Variants in RNF128 observed in about 807,000 individuals in gnomAD.
RNF128 encodes E3 ubiquitin-protein ligase RNF128.
Under a neutral mutation model 26.2 loss-of-function variants are expected in RNF128, and 13 were observed. The observed-to-expected ratio is 0.50, with a 90% confidence interval of 0.32 to 0.79. The LOEUF (loss-of-function observed/expected upper bound fraction) is 0.79, where lower values mean the gene tolerates loss of function less well. Among genes scored for constraint, RNF128 ranks in the 30% least tolerant of loss-of-function variants. RNF128 has a pLI of 0.03. For synonymous variants in RNF128, 149 were observed against 142.5 expected (o/e 1.05, Z -0.32); for missense variants, 315 against 349.7 (o/e 0.90, Z 0.79).
intron 1 of RNF128, among the ~76,000 whole-genome samples, chrX:106,702,714 G>A (rs1186771172): frequency 3.6e-5 from 4 of 112,049 alleles, no homozygotes; most frequent in Non-Finnish European, 5.6e-5. Flanking sequence ...AAAGTTGGGG[G>A]AAAGATTTAC....
At chrX:106,736,954 A>G (rs1929610335) in intron 1 of RNF128, among the ~76,000 whole-genome samples, 1 of 111,607 alleles carries the variant, frequency 9.0e-6, no homozygotes, top group Non-Finnish European at 1.9e-5. Context: ...GTGGCTGTTC[A>G]TTATGATAGC....
intron 3 of RNF128, among the ~76,000 whole-genome samples, chrX:106,787,685 G>C (rs778468912): frequency 1.8e-5 from 2 of 110,955 alleles, no homozygotes; most frequent in Non-Finnish European, 3.8e-5. Flanking sequence ...AGTGCTACAT[G>C]TTTCCCTTTG....
At chrX:106,790,352 C>T in intron 5 of RNF128, 70 bp downstream of exon 5, 1 of 753,548 alleles carries the variant, frequency 1.3e-6, no homozygotes, top group South Asian at 2.4e-5. Flanking sequence ...AAAATAACAT[C>T]CTTATTTTTT....
chrX:106,776,951 C>T (rs899369133), intron 2 of RNF128, among the ~76,000 whole-genome samples: 1 of 111,642 alleles, frequency 9.0e-6, no homozygotes, highest in African/African-American at 3.3e-5. Flanking sequence ...CTAGAAATGA[C>T]AGAATGATTG....
chrX:106,726,128 G>A (rs940217940), upstream of RNF128, among the ~76,000 whole-genome samples: 4 of 112,223 alleles, frequency 3.6e-5, no homozygotes, highest in African/African-American at 1.3e-4. Context: ...TTTAGAAGAG[G>A]CATCTGATGC....
chrX:106,764,665 CA>C (rs1286881881), intron 1 of RNF128, among the ~76,000 whole-genome samples: 1 of 109,645 alleles, frequency 9.1e-6, no homozygotes, highest in Admixed American at 9.7e-5. Flanking sequence ...AACTCCGTCT[CA>C]AAAAAAACAA....
intron 4 of RNF128, among the ~76,000 whole-genome samples, chrX:106,789,184 A>G (rs1930763307): frequency 1.1e-5 from 1 of 92,288 alleles, no homozygotes; most frequent in African/African-American, 3.8e-5. Context: ...TATATTATAC[A>G]TATATGTAAA....
chrX:106,695,206 G>A (rs1928856711), intron 1 of RNF128, among the ~76,000 whole-genome samples: 1 of 110,021 alleles, frequency 9.1e-6, no homozygotes, highest in Non-Finnish European at 1.9e-5. Context: ...GGATAGGTAT[G>A]TGTGTTTTTA....
chrX:106,737,898 A>G (rs1291769193), intron 1 of RNF128, among the ~76,000 whole-genome samples: 2 of 112,069 alleles, frequency 1.8e-5, no homozygotes, highest in Non-Finnish European at 3.8e-5. Flanking sequence ...GAAATCACCA[A>G]TTACCTCCCT....
At position 106,726,924 on chromosome X, in the gene RNF128, C is replaced by A. The variant is rs1929408839; in HGVS notation, c.11C>A (p.Pro4Gln). 9.4e-6 allele frequency: 11 copies of A among 1,173,819 alleles called. No individual in the cohort carries two copies. The highest frequency in any genetic ancestry group is 1.0e-5 in the Non-Finnish European group (9 of 877,455). MGP[P>Q]PGAGVSCRGG... ...CGGAGCGCGCGCGCCATGGGGCCGCCGCCTGGGGCCGGGGTCTCCTGCCGC... is the reference window on the plus strand; with the variant it reads ...CGGAGCGCGCGCGCCATGGGGCCGCAGCCTGGGGCCGGGGTCTCCTGCCGC... The change falls in exon 1 of 7, where the codon CCG (proline) becomes CAG (glutamine). Residue 4 changes from proline to glutamine, a missense_variant. Physicochemically the swap from Pro to Gln is moderately conservative, Grantham distance 76. Transcript: ENST00000255499.
intron 1 of RNF128, among the ~76,000 whole-genome samples, chrX:106,717,872 A>G (rs1046575742): frequency 8.9e-6 from 1 of 112,087 alleles, no homozygotes; most frequent in Non-Finnish European, 1.9e-5. Context: ...ACTGCTACCT[A>G]TTACAACTTG....
intron 1 of RNF128, among the ~76,000 whole-genome samples, chrX:106,754,452 G>A (rs1230461635): frequency 2.4e-5 from 2 of 83,226 alleles, no homozygotes; most frequent in Non-Finnish European, 4.4e-5. Flanking sequence ...GTAGCGACAG[G>A]GTCTCACCAT....
chrX:106,724,003 G>A (rs190766875), upstream of RNF128, among the ~76,000 whole-genome samples: 4 of 110,855 alleles, frequency 3.6e-5, no homozygotes, highest in East Asian at 8.5e-4. Flanking sequence ...TTCAGTGATC[G>A]GAAACTCAAC....
At chrX:106,697,434 G>C (rs1928891599) in intron 1 of RNF128, among the ~76,000 whole-genome samples, 1 of 111,759 alleles carries the variant, frequency 8.9e-6, no homozygotes, top group African/African-American at 3.3e-5. Flanking sequence ...ACAAGAAAAT[G>C]TCAAGGCTTA....
chrX:106,730,863 C>T (rs1281541578), intron 1 of RNF128, among the ~76,000 whole-genome samples: 1 of 111,145 alleles, frequency 9.0e-6, no homozygotes, highest in African/African-American at 3.3e-5. Flanking sequence ...ATTTGGGGGT[C>T]TCCAATGGGA....
At chrX:106,739,876 C>T (rs933896501) in intron 1 of RNF128, among the ~76,000 whole-genome samples, 5 of 111,495 alleles carry the variant, frequency 4.5e-5, no homozygotes, top group African/African-American at 1.6e-4. Context: ...CTCCTTTTCT[C>T]TAATTTGAGT....
chrX:106,730,821 A>C (rs767550303), intron 1 of RNF128, among the ~76,000 whole-genome samples: 1 of 111,757 alleles, frequency 8.9e-6, no homozygotes, highest in Non-Finnish European at 1.9e-5. Flanking sequence ...TGTAAAAAAA[A>C]AAAGTGAATG....
At chrX:106,737,464 G>A (rs1929619285) in intron 1 of RNF128, among the ~76,000 whole-genome samples, 1 of 111,134 alleles carries the variant, frequency 9.0e-6, no homozygotes, top group African/African-American at 3.3e-5. Flanking sequence ...CCTCCTATGT[G>A]CTTTAAATCA....
intron 5 of RNF128, among the ~76,000 whole-genome samples, chrX:106,790,682 G>A (rs1930806869): frequency 1.8e-5 from 2 of 111,031 alleles, no homozygotes; most frequent in Non-Finnish European, 3.8e-5. Context: ...CTATTTTCAA[G>A]ATACAACATA....
Sources: gnomAD v4.1 joint callset for allele counts (sites outside exome capture counted in the v4.1 genomes callset) on GRCh38, gnomAD v4.1.1 for gene constraint, MANE v1.5 for transcripts, NCBI Gene and HGNC (gene_info 2026-07-23, HGNC 2026-07-21) for gene names.